Variants in NTF3 observed in about 807,000 individuals in gnomAD.
The protein encoded by NTF3 is neurotrophin 3, also known as neurotrophin-3.
A neutral mutation model predicts 26.3 loss-of-function variants in NTF3; 8 were observed. The observed-to-expected ratio is 0.30, with a 90% CI of 0.18 to 0.55. NTF3 has a LOEUF of 0.55. NTF3 is among the 20% of genes least tolerant of loss of function. NTF3 has a pLI of 0.93. For missense variants in NTF3, 276 were observed against 352.9 expected, an observed-to-expected ratio of 0.78 and a Z score of 1.75; for synonymous variants, 154 against 145.5, an observed-to-expected ratio of 1.06 and a Z score of -0.42.
chr12:5,470,941 A>T (rs1471873508), intron 1 of NTF3, among the ~76,000 whole-genome samples: 2 of 151,364 alleles, frequency 1.3e-5, no homozygotes, highest in East Asian at 3.9e-4. Context: ...ATACACGCAG[A>T]AGCTGCACAT....
At chr12:5,470,605 G>A (rs1469474492) in intron 1 of NTF3, among the ~76,000 whole-genome samples, 1 of 152,198 alleles carries the variant, frequency 6.6e-6, no homozygotes, top group Non-Finnish European at 1.5e-5. Context: ...GCAGGGCAGG[G>A]GGCCATGCCC....
At chr12:5,447,578 G>A (rs1450338938) in intron 1 of NTF3, among the ~76,000 whole-genome samples, 2 of 152,240 alleles carry the variant, frequency 1.3e-5, no homozygotes, top group African/African-American at 2.4e-5. Flanking sequence ...TCTTTGCAAA[G>A]TGGGATAATA....
intron 1 of NTF3, among the ~76,000 whole-genome samples, chr12:5,477,100 A>G (rs1940734427): frequency 6.6e-6 from 1 of 152,186 alleles, no homozygotes; most frequent in Non-Finnish European, 1.5e-5. Context: ...TCACAGTTTA[A>G]TTTGGCCTTC....
At chr12:5,493,358 G>A (rs1219035151) in intron 1 of NTF3, among the ~76,000 whole-genome samples, 2 of 152,210 alleles carry the variant, frequency 1.3e-5, no homozygotes. Context: ...TAGCAGAAAT[G>A]TTAAAAATCT....
intron 1 of NTF3, among the ~76,000 whole-genome samples, chr12:5,466,794 G>T (rs1051672118): frequency 1.3e-5 from 2 of 152,212 alleles, no homozygotes; most frequent in South Asian, 4.1e-4. Context: ...TCCCGGGGAG[G>T]GGGGACTGAC....
At chr12:5,446,629 A>G (rs1303059033) in intron 1 of NTF3, among the ~76,000 whole-genome samples, 1 of 152,266 alleles carries the variant, frequency 6.6e-6, no homozygotes, top group Non-Finnish European at 1.5e-5. Flanking sequence ...GGAGGCTAAA[A>G]AAATCAAGAC....
chr12:5,433,304 G>A lies in NTF3; in HGVS notation c.18+962G>A, dbSNP rs970217831. The A allele has an allele frequency of 6.6e-6, 1 of 152,482 alleles. No individual in the cohort carries two copies. Among genetic ancestry groups the A allele is most frequent in the African/African-American group, 2.4e-5 (1 of 41,456 alleles). 9.4% of individuals were successfully genotyped at this position (152,482 alleles called of 1,614,324 possible). Reference sequence around the variant, plus strand: ...TTTGAGCGGTGGCGTGGGAGGCCGGGAGACCTGGGCACCCGCGCAGCCAGC... The same window carrying A: ...TTTGAGCGGTGGCGTGGGAGGCCGGAAGACCTGGGCACCCGCGCAGCCAGC... On this transcript the variant is annotated intron_variant, in intron 1 of 1. Coordinates refer to ENST00000423158, the MANE Select transcript of NTF3 (RefSeq NM_001102654.2). The surrounding 1 kb of genome is among the most constrained non-coding windows in gnomAD (Gnocchi z 4.6).
chr12:5,433,838 C>G lies in NTF3; in HGVS notation c.18+1496C>G, dbSNP rs1205735488. ...GGACTTGTTTATGTGTGTGAAGAGG[C>G]GGGGGCGAGGGCCTGCTGAGAGGGG... On this transcript the variant is annotated intron_variant, in intron 1 of 1. Transcript: ENST00000423158. This position sits in a 1 kb window ranked among gnomAD's most constrained non-coding sequence, Gnocchi z 4.6. Among the ~76,000 whole-genome samples, 2 of 138,330 alleles carry G rather than the reference C, an allele frequency of 1.4e-5. No homozygotes were observed. Among genetic ancestry groups the G allele is most frequent in the African/African-American group, 5.4e-5 (2 of 36,772 alleles). 90.7% of individuals were successfully genotyped at this position (138,330 alleles called of 152,430 possible). A position where few individuals can be genotyped will look rare whatever the true frequency, so the allele number is the denominator to read the frequency against.
chr12:5,458,129 A>C (rs1194414150), intron 1 of NTF3, among the ~76,000 whole-genome samples: 1 of 152,114 alleles, frequency 6.6e-6, no homozygotes, highest in African/African-American at 2.4e-5. Flanking sequence ...CCCATGCACC[A>C]GCCATCCTGG....
At chr12:5,459,993 G>C (rs1166418343) in intron 1 of NTF3, among the ~76,000 whole-genome samples, 3 of 152,246 alleles carry the variant, frequency 2.0e-5, no homozygotes, top group South Asian at 4.1e-4. Context: ...CTTCACAGAG[G>C]CAGAGCTAGT....
intron 1 of NTF3, among the ~76,000 whole-genome samples, chr12:5,434,061 T>C (rs1264638567): frequency 6.6e-6 from 1 of 152,174 alleles, no homozygotes; most frequent in Non-Finnish European, 1.5e-5. Flanking sequence ...AGAGGAGACT[T>C]TTCCAGAGGT....
At chr12:5,481,914 C>T (rs1450460132) in intron 1 of NTF3, among the ~76,000 whole-genome samples, 4 of 151,426 alleles carry the variant, frequency 2.6e-5, no homozygotes, top group South Asian at 2.1e-4. Context: ...GACACACCCA[C>T]GGGCTTACAC....
chr12:5,460,813 G>C (rs1940515486), intron 1 of NTF3, among the ~76,000 whole-genome samples: 1 of 152,142 alleles, frequency 6.6e-6, no homozygotes, highest in Non-Finnish European at 1.5e-5. Context: ...AGGCCCCAGA[G>C]AGCATTTGAT....
chr12:5,446,092 C>G (rs763150109), intron 1 of NTF3, among the ~76,000 whole-genome samples: 14 of 152,094 alleles, frequency 9.2e-5, no homozygotes, highest in Admixed American at 2.6e-4. Context: ...ATCGTAGTTC[C>G]CCTGACAGCT....
At chr12:5,431,455 C>T (rs1277870155), upstream of NTF3, among the ~76,000 whole-genome samples, 1 of 152,160 alleles carries the variant, frequency 6.6e-6, no homozygotes, top group East Asian at 1.9e-4. Flanking sequence ...CTTGACCTCC[C>T]TTGACCGCCG....
intron 1 of NTF3, among the ~76,000 whole-genome samples, chr12:5,482,815 TC>T (rs1219407890): frequency 2.6e-5 from 4 of 151,642 alleles, no homozygotes; most frequent in South Asian, 2.1e-4. Flanking sequence ...CTCTTTTTTT[TC>T]AATCTCTGTC....
At chr12:5,483,830 C>A (rs1940835804) in intron 1 of NTF3, among the ~76,000 whole-genome samples, 1 of 152,222 alleles carries the variant, frequency 6.6e-6, no homozygotes, top group Admixed American at 6.5e-5. Context: ...GAAGTGAAGT[C>A]ACCCAGAGTG....
chr12:5,454,737 G>A (rs1243600099), intron 1 of NTF3, among the ~76,000 whole-genome samples: 4 of 152,202 alleles, frequency 2.6e-5, no homozygotes, highest in African/African-American at 9.7e-5. Flanking sequence ...AACAATTTGG[G>A]AATCTCTGGG....
chr12:5,480,704 G>C (rs968522529), intron 1 of NTF3, among the ~76,000 whole-genome samples: 2 of 151,702 alleles, frequency 1.3e-5, no homozygotes, highest in Non-Finnish European at 2.9e-5. Context: ...CACGGAGGAG[G>C]TGACCAGAAA....
Sources: gnomAD v4.1 joint callset for allele counts (sites outside exome capture counted in the v4.1 genomes callset) on GRCh38, gnomAD v4.1.1 for gene constraint, Gnocchi (gnomAD v3.1) non-coding constraint, MANE v1.5 for transcripts, NCBI Gene and HGNC (gene_info 2026-07-23, HGNC 2026-07-21) for gene names.